Variants in FAM83A observed in about 807,000 individuals in gnomAD.
FAM83A encodes protein FAM83A.
A neutral mutation model predicts 24.4 loss-of-function variants in FAM83A; 21 were observed. The ratio of observed to expected loss-of-function variants is 0.86; its 90% CI spans 0.61 to 1.24. FAM83A has a LOEUF of 1.24. Ranked by LOEUF, FAM83A falls within the 50% of genes most tolerant of loss-of-function variation. The pLI is 0.00. For synonymous variants in FAM83A, 270 were observed against 252.4 expected, an observed-to-expected ratio of 1.07 and a Z score of -0.66; for missense variants, 617 against 579.8, an observed-to-expected ratio of 1.06 and a Z score of -0.66.
chr8:123,191,798 C>A lies in FAM83A; in HGVS notation c.481-5C>A. On this transcript the variant is annotated splice_region_variant and splice_polypyrimidine_tract_variant and intron_variant, in intron 1 of 3. Transcript: ENST00000690554. ...CTGGTAACTGAGCACTCTGCCCTGGCCCAGGTCCTGGTCATCCTGATGGAT... is the reference window on the plus strand; with the variant it reads ...CTGGTAACTGAGCACTCTGCCCTGGACCAGGTCCTGGTCATCCTGATGGAT... 6.2e-7 allele frequency: 1 copy of A among 1,613,320 alleles called. No homozygotes were observed. The highest frequency in any genetic ancestry group is 8.5e-7 in the Non-Finnish European group (1 of 1,179,898).
Position 123,207,674 on chromosome 8 carries a change from TC to T in FAM83A, c.1295del (p.Pro432LeufsTer69). 2.0e-6 allele frequency: 3 copies of T among 1,504,064 alleles called. No homozygotes were observed. Among genetic ancestry groups the T allele is most frequent in the Middle Eastern group, 1.9e-4 (1 of 5,244 alleles). The allele number at this position is 1,504,064 out of a possible 1,614,324, so 93.2% of individuals were successfully genotyped here. On this transcript the variant is annotated frameshift_variant, in exon 4 of 4. Coordinates refer to ENST00000690554, the Ensembl canonical transcript of FAM83A. LOFTEE classifies it high-confidence loss of function. ...AACCTGGAGGCCCTTCCTGCAGGCC[TC>T]CCCTCACTTCTGAAGGTCCCATCCC...
rs190455743 is a variant in FAM83A at position 123,189,268 on chromosome 8, C to T, written c.481-2535C>T. On this transcript the variant is annotated intron_variant, in intron 1 of 3. Coordinates refer to ENST00000690554, the Ensembl canonical transcript of FAM83A. ...CAGGGTGAGCAATCTCTGAGGAGTT[C>T]CCTCCCCTGTCCAGCTATCCATCCA... Among the ~76,000 whole-genome samples the T allele has an allele frequency of 2.2e-3, 333 of 152,284 alleles. 2 individuals carry two copies. Among genetic ancestry groups the T allele is most frequent in the African/African-American group, 7.7e-3 (318 of 41,552 alleles).
At chr8:123,200,360 T>C (rs1174378722) in intron 3 of FAM83A, among the ~76,000 whole-genome samples, 5 of 152,244 alleles carry the variant, frequency 3.3e-5, no homozygotes, top group Non-Finnish European at 5.9e-5. Context: ...GGAAGGTCTC[T>C]TCCCTTATTT....
At chr8:123,183,285 G>A in exon 1 of FAM83A, 1 of 1,613,260 alleles carries the variant, frequency 6.2e-7, no homozygotes, top group Non-Finnish European at 8.5e-7. Flanking sequence ...AGACCGTCAA[G>A]CACAACAACA....
chr8:123,195,090 G>A (rs1824102906), intron 3 of FAM83A, among the ~76,000 whole-genome samples: 1 of 152,204 alleles, frequency 6.6e-6, no homozygotes. Flanking sequence ...GAGAGCAATT[G>A]AGGAAGGGAG....
At chr8:123,181,929 C>A, upstream of FAM83A, 1 of 426,754 alleles carries the variant, frequency 2.3e-6, no homozygotes, top group South Asian at 1.6e-5. Context: ...GGCAGTCCAT[C>A]CCATTGCCAG....
At chr8:123,205,749 C>T (rs1394405019) in intron 3 of FAM83A, among the ~76,000 whole-genome samples, 1 of 152,160 alleles carries the variant, frequency 6.6e-6, no homozygotes, top group Non-Finnish European at 1.5e-5. Context: ...TAGCCTGCTG[C>T]TCTCGGGAGG....
intron 3 of FAM83A, among the ~76,000 whole-genome samples, chr8:123,195,613 C>T (rs550345502): frequency 2.0e-5 from 3 of 152,356 alleles, no homozygotes; most frequent in Middle Eastern, 6.8e-3. Flanking sequence ...ACCCATTACT[C>T]ACAGTCCTGA....
intron 3 of FAM83A, among the ~76,000 whole-genome samples, chr8:123,205,343 C>T (rs1824510747): frequency 6.6e-6 from 1 of 152,216 alleles, no homozygotes; most frequent in African/African-American, 2.4e-5. Context: ...CAGAGGGCGA[C>T]TGGCTTCTGA....
At chr8:123,187,180 G>A (rs1277057404) in intron 1 of FAM83A, among the ~76,000 whole-genome samples, 3 of 152,206 alleles carry the variant, frequency 2.0e-5, no homozygotes, top group Non-Finnish European at 2.9e-5. Context: ...TGTCTTGGAG[G>A]TGATGGGACC....
intron 3 of FAM83A, among the ~76,000 whole-genome samples, chr8:123,204,979 G>C (rs1050761355): frequency 5.3e-5 from 8 of 151,894 alleles, no homozygotes; most frequent in Non-Finnish European, 1.2e-4. Flanking sequence ...CAGATGTGGT[G>C]GTGGGCACCT....
At chr8:123,205,575 C>A (rs1749738662) in intron 3 of FAM83A, among the ~76,000 whole-genome samples, 1 of 152,186 alleles carries the variant, frequency 6.6e-6, no homozygotes, top group Non-Finnish European at 1.5e-5. Context: ...TGAGGCCAGG[C>A]CTTTGGGTGG....
intron 1 of FAM83A, among the ~76,000 whole-genome samples, chr8:123,188,184 A>G (rs1468678608): frequency 6.6e-6 from 1 of 151,848 alleles, no homozygotes; most frequent in Non-Finnish European, 1.5e-5. Context: ...TGGTAGCTCC[A>G]GGCATTCCTG....
At chr8:123,203,340 C>A (rs541143732) in intron 3 of FAM83A, among the ~76,000 whole-genome samples, 2 of 151,762 alleles carry the variant, frequency 1.3e-5, no homozygotes, top group Non-Finnish European at 1.5e-5. Context: ...GTAATCCCAG[C>A]ACCTTGGGAG....
intron 1 of FAM83A, among the ~76,000 whole-genome samples, chr8:123,189,489 G>T (rs1448221315): frequency 6.6e-6 from 1 of 152,212 alleles, no homozygotes; most frequent in East Asian, 1.9e-4. Flanking sequence ...TGAAAGGAAA[G>T]TATCTTTGGC....
At chr8:123,180,893 CA>C (rs113804335), upstream of FAM83A, among the ~76,000 whole-genome samples, 900 of 138,284 alleles carry the variant, frequency 6.5e-3, 8 homozygotes, top group African/African-American at 0.021. Context: ...TTCGATGTTC[CA>C]AAAAAAAAAA....
chr8:123,186,355 G>T (rs560569781), intron 1 of FAM83A, among the ~76,000 whole-genome samples: 85 of 152,302 alleles, frequency 5.6e-4, no homozygotes, highest in African/African-American at 2.0e-3. Context: ...CTTGGAAGTA[G>T]GTGATGAGAA....
chr8:123,200,548 G>A (rs1234746225), intron 3 of FAM83A, among the ~76,000 whole-genome samples: 4 of 152,178 alleles, frequency 2.6e-5, no homozygotes, highest in Admixed American at 6.5e-5. Context: ...CAGGTGTGGC[G>A]GCTCATGCCT....
exon 3 of FAM83A, chr8:123,194,043 T>C: frequency 1.9e-6 from 3 of 1,614,154 alleles, no homozygotes; most frequent in Non-Finnish European, 2.5e-6. Flanking sequence ...ATCCGGAGTG[T>C]GGAAGGAGAG....
Sources: allele counts gnomAD v4.1 joint callset (sites outside exome capture counted in the v4.1 genomes callset), GRCh38; gene constraint gnomAD v4.1.1; transcripts MANE v1.5; gene names NCBI Gene and HGNC (gene_info 2026-07-23, HGNC 2026-07-21).